The following ADARB2 variants were observed in gnomAD, a reference collection of about 807,000 sequenced individuals.
ADARB2 encodes adenosine deaminase RNA specific B2 (inactive).
ADARB2 carries 25 observed loss-of-function variants against 62.2 expected under a neutral mutation model. The observed-to-expected ratio is 0.40, with a 90% CI of 0.29 to 0.56. The LOEUF (loss-of-function observed/expected upper bound fraction) is 0.56, where lower values mean the gene tolerates loss of function less well. ADARB2 is among the 20% of genes least tolerant of loss of function. The pLI, the probability that ADARB2 is intolerant of heterozygous loss-of-function variation, is 0.43. For synonymous variants in ADARB2, 572 were observed against 500.8 expected (o/e 1.14, Z -1.90); for missense variants, 1,071 against 1,077.4 (o/e 0.99, Z 0.08).
intron 3 of ADARB2, among the ~76,000 whole-genome samples, chr10:1,311,958 ATCC>A (rs1260436960): frequency 6.6e-6 from 1 of 152,216 alleles, no homozygotes; most frequent in Non-Finnish European, 1.5e-5. Flanking sequence ...GAGCAGCCTA[ATCC>A]TCCTGGTACC....
chr10:1,413,011 C>T (rs752842125), intron 1 of ADARB2, among the ~76,000 whole-genome samples: 25 of 152,270 alleles, frequency 1.6e-4, no homozygotes, highest in South Asian at 4.1e-4. Context: ...GATGGGCCCT[C>T]GGGCTGTGGG....
intron 1 of ADARB2, among the ~76,000 whole-genome samples, chr10:1,638,570 T>A (rs547269355): frequency 7.3e-4 from 111 of 152,158 alleles, no homozygotes; most frequent in Non-Finnish European, 1.2e-3. Context: ...CTTTATTGAG[T>A]GCTGACTGCT....
rs143098081 is a variant in ADARB2, at chr10:1,453,798, T to A, written c.101-74638A>T. On this transcript the variant is annotated intron_variant, in intron 1 of 9. Transcript: ENST00000381312. ...GGGAAATGCAAACCAAAACTGCGAG[T>A]TACCGCCTCATACCCACTGGAATGG... Among the ~76,000 whole-genome samples, 663 of 152,178 alleles carry A rather than the reference T, an allele frequency of 4.4e-3. 5 individuals carry two copies. Among genetic ancestry groups the A allele is most frequent in the African/African-American group, 0.015 (633 of 41,520 alleles).
Position 1,363,924 on chromosome 10 carries a change from G to C in ADARB2, c.188-7C>G. On this transcript the variant is annotated splice_region_variant and splice_polypyrimidine_tract_variant and intron_variant, in intron 2 of 9. Coordinates refer to ENST00000381312, the MANE Select transcript of ADARB2 (RefSeq NM_018702.4). ...ACCTCCGCGCTGCTGGTACCTGGAG[G>C]GGAGAACAGACCAGTCAGGAGCCTG... The C allele has an allele frequency of 6.9e-7, 1 of 1,459,052 alleles. No individual in the cohort carries two copies. The highest frequency in any genetic ancestry group is 1.4e-5 in the South Asian group (1 of 69,428). 90.4% of individuals were successfully genotyped at this position (1,459,052 alleles called of 1,614,324 possible).
intron 3 of ADARB2, among the ~76,000 whole-genome samples, chr10:1,327,299 CCCCA>C (rs1217457693): frequency 1.6e-5 from 1 of 64,482 alleles, no homozygotes; most frequent in Non-Finnish European, 3.5e-5. Context: ...CCCAGCGCCT[CCCCA>C]CGGCACAGCA....
chr10:1,245,914 C>T (rs1830982439), intron 4 of ADARB2, among the ~76,000 whole-genome samples: 1 of 151,680 alleles, frequency 6.6e-6, no homozygotes, highest in Non-Finnish European at 1.5e-5. Context: ...AATCACCATA[C>T]TGACTTCCAC....
At chr10:1,325,956 G>A (rs1042492686) in intron 3 of ADARB2, among the ~76,000 whole-genome samples, 2 of 152,270 alleles carry the variant, frequency 1.3e-5, no homozygotes, top group South Asian at 4.1e-4. Context: ...GTTTCTCTAA[G>A]TTTACAATAC....
At chr10:1,259,274 G>A (rs1017298044) in intron 4 of ADARB2, among the ~76,000 whole-genome samples, 3 of 152,162 alleles carry the variant, frequency 2.0e-5, no homozygotes, top group Admixed American at 6.5e-5. Flanking sequence ...TCAAAAGCTA[G>A]CAGAAGGCAA....
chr10:1,447,948 G>A (rs56203704), intron 1 of ADARB2, among the ~76,000 whole-genome samples: 13,594 of 152,178 alleles, frequency 0.089, 677 homozygotes, highest in South Asian at 0.19. Context: ...CATGGTATCT[G>A]TGTAGCACAT....
At chr10:1,372,788 T>A (rs1424775274) in intron 2 of ADARB2, among the ~76,000 whole-genome samples, 2 of 152,228 alleles carry the variant, frequency 1.3e-5, no homozygotes, top group Admixed American at 1.3e-4. Context: ...TAATTATTAT[T>A]CTTGCCGGTC....
intron 1 of ADARB2, among the ~76,000 whole-genome samples, chr10:1,734,860 T>C (rs764525428): frequency 6.6e-6 from 1 of 152,186 alleles, no homozygotes; most frequent in Non-Finnish European, 1.5e-5. Flanking sequence ...TTCATGACAA[T>C]TAGAACATAA....
intron 1 of ADARB2, among the ~76,000 whole-genome samples, chr10:1,440,718 G>A (rs79462744): frequency 6.6e-6 from 1 of 152,162 alleles, no homozygotes; most frequent in Non-Finnish European, 1.5e-5. Context: ...TATGAGCCAA[G>A]TGTTAACTGT....
At chr10:1,281,664 C>T (rs1202285017) in intron 3 of ADARB2, among the ~76,000 whole-genome samples, 1 of 152,246 alleles carries the variant, frequency 6.6e-6, no homozygotes, top group Non-Finnish European at 1.5e-5. Flanking sequence ...CAGCATCCTG[C>T]CCCTCAGGGA....
At chr10:1,713,560 G>A (rs531076072) in intron 1 of ADARB2, among the ~76,000 whole-genome samples, 1 of 152,238 alleles carries the variant, frequency 6.6e-6, no homozygotes, top group South Asian at 2.1e-4. Flanking sequence ...TGGGTTCCAG[G>A]GGGTTCAAAG....
intron 1 of ADARB2, among the ~76,000 whole-genome samples, chr10:1,447,834 G>C (rs989479687): frequency 6.6e-6 from 1 of 152,112 alleles, no homozygotes; most frequent in East Asian, 1.9e-4. Context: ...GTGGTATTTG[G>C]TTTTCTGTTG....
chr10:1,264,927 T>C (rs1831180114), intron 4 of ADARB2, among the ~76,000 whole-genome samples: 1 of 152,248 alleles, frequency 6.6e-6, no homozygotes, highest in African/African-American at 2.4e-5. Context: ...CAGAATATGT[T>C]TTGTAGGCTA....
chr10:1,559,573 C>T (rs948183179), intron 1 of ADARB2, among the ~76,000 whole-genome samples: 5 of 152,128 alleles, frequency 3.3e-5, no homozygotes, highest in Admixed American at 2.0e-4. Flanking sequence ...ACAAGCAGAT[C>T]CTAGTTCAGA....
intron 1 of ADARB2, among the ~76,000 whole-genome samples, chr10:1,561,829 G>T (rs927452752): frequency 6.6e-6 from 1 of 152,136 alleles, no homozygotes; most frequent in African/African-American, 2.4e-5. Flanking sequence ...CCCCAGCACC[G>T]CCGCTCCCTC....
Position 1,737,337 on chromosome 10 carries a change from G to A in ADARB2, c.-187C>T. 1.7e-6 allele frequency: 1 copy of A among 605,048 alleles called. No homozygotes were observed. The highest frequency in any genetic ancestry group is 1.9e-5 in the African/African-American group (1 of 53,778). 37.5% of individuals were successfully genotyped at this position (605,048 alleles called of 1,614,324 possible). A position where few individuals can be genotyped will look rare whatever the true frequency, so the allele number is the denominator to read the frequency against. The stretch of plus-strand genomic sequence containing the variant: ...TCTCTCGAATTGTTCTCTATGACTT[G>A]CTCCCACTGGGCTGGGGGCCTCGGC... On this transcript the variant is annotated 5_prime_UTR_variant, in exon 1 of 10. Coordinates refer to ENST00000381312, the MANE Select transcript of ADARB2 (RefSeq NM_018702.4).
Sources: allele counts gnomAD v4.1 joint callset (sites outside exome capture counted in the v4.1 genomes callset), GRCh38; gene constraint gnomAD v4.1.1; transcripts MANE v1.5; gene names NCBI Gene and HGNC (gene_info 2026-07-23, HGNC 2026-07-21).